WDFY2: variants seen among roughly 807,000 people sequenced by gnomAD.
WDFY2 encodes WD repeat and FYVE domain-containing protein 2.
A neutral mutation model predicts 56.4 loss-of-function variants in WDFY2; 36 were observed. The ratio of observed to expected loss-of-function variants is 0.64; its 90% CI spans 0.49 to 0.84. WDFY2 has a LOEUF of 0.84. Ranked by LOEUF, WDFY2 falls within the 40% of genes least tolerant of loss-of-function variation. The pLI, the probability that WDFY2 is intolerant of heterozygous loss-of-function variation, is 0.00. For missense variants in WDFY2, 444 were observed against 512.2 expected, an observed-to-expected ratio of 0.87 and a Z score of 1.29; for synonymous variants, 176 against 183.7, an observed-to-expected ratio of 0.96 and a Z score of 0.34.
At chr13:51,682,576 C>G (rs1184954134) in intron 3 of WDFY2, among the ~76,000 whole-genome samples, 4 of 152,144 alleles carry the variant, frequency 2.6e-5, no homozygotes, top group Admixed American at 2.0e-4. Context: ...GCCTCTACCC[C>G]CCTCAAGTTG....
intron 1 of WDFY2, among the ~76,000 whole-genome samples, chr13:51,605,217 A>G (rs769736641): frequency 6.6e-6 from 1 of 152,206 alleles, no homozygotes; most frequent in Non-Finnish European, 1.5e-5. Context: ...ATCATTGTCC[A>G]CATATGGACA....
At chr13:51,740,952 C>T (rs1251106777) in intron 7 of WDFY2, among the ~76,000 whole-genome samples, 1 of 152,218 alleles carries the variant, frequency 6.6e-6, no homozygotes, top group Non-Finnish European at 1.5e-5. Flanking sequence ...TGCTGAACTG[C>T]AGCAGTGCTT....
chr13:51,642,721 G>A (rs1301912237), intron 1 of WDFY2, among the ~76,000 whole-genome samples: 5 of 116,778 alleles, frequency 4.3e-5, no homozygotes, highest in African/African-American at 1.3e-4. Context: ...TCACTCTGTC[G>A]CCAGGCTGAA....
Position 51,584,843 on chromosome 13 carries a change from C to T in WDFY2, c.137+19C>T, listed in dbSNP as rs1355940948. 36 of 1,612,110 alleles carry T rather than the reference C, an allele frequency of 2.2e-5. No homozygotes were observed. The highest frequency in any genetic ancestry group is 2.9e-5 in the Non-Finnish European group (34 of 1,178,944). On this transcript the variant is annotated intron_variant, in intron 1 of 11. Transcript: ENST00000298125. ...AGGACAGGTATGGACTACTGCCATT[C>T]GGCCGCGAGGAGGGGCGGGACGGGC... is the stretch of plus-strand genomic sequence containing the variant.
At chr13:51,698,110 G>GCAAC (rs1951913713) in intron 3 of WDFY2, among the ~76,000 whole-genome samples, 4 of 152,188 alleles carry the variant, frequency 2.6e-5, no homozygotes, top group Non-Finnish European at 5.9e-5. Flanking sequence ...ACAAGTATGT[G>GCAAC]TTTTAGCTCG....
At chr13:51,615,744 C>A (rs957283458) in intron 1 of WDFY2, among the ~76,000 whole-genome samples, 6 of 152,086 alleles carry the variant, frequency 3.9e-5, no homozygotes, top group African/African-American at 1.4e-4. Context: ...TATGTATACT[C>A]TTTTTGTGAC....
chr13:51,758,259 A>C lies in WDFY2; in HGVS notation c.1132A>C (p.Arg378=). Reference sequence around the variant, plus strand: ...TGTGCATGTGCATTTCGATGCAACCAGAGGATGGTTACTGACTTCTGGAAC... The same window carrying C: ...TGTGCATGTGCATTTCGATGCAACCCGAGGATGGTTACTGACTTCTGGAAC... ...NIVHVHFDAT[R]GWLLTSGTDK... Residue 378 remains arginine (R), a synonymous_variant, in exon 11 of 12, where the codon AGA becomes CGA. Transcript: ENST00000298125. 1 of 1,602,740 alleles carries C rather than the reference A, an allele frequency of 6.2e-7. No homozygotes were observed. The highest frequency in any genetic ancestry group is 8.5e-7 in the Non-Finnish European group (1 of 1,171,108).
At chr13:51,653,833 A>T (rs1472000348) in intron 1 of WDFY2, among the ~76,000 whole-genome samples, 1 of 152,172 alleles carries the variant, frequency 6.6e-6, no homozygotes, top group Non-Finnish European at 1.5e-5. Context: ...GGTGCCTCCC[A>T]GTTAGGCTAC....
At chr13:51,668,006 C>G (rs1228521358) in intron 2 of WDFY2, among the ~76,000 whole-genome samples, 1 of 149,258 alleles carries the variant, frequency 6.7e-6, no homozygotes, top group Non-Finnish European at 1.5e-5. Context: ...GTTCTCCTGC[C>G]TCAGCCTCCC....
intron 8 of WDFY2, among the ~76,000 whole-genome samples, chr13:51,751,934 T>G (rs1186548456): frequency 6.6e-6 from 1 of 152,258 alleles, no homozygotes; most frequent in East Asian, 1.9e-4. Flanking sequence ...ACATTCTTTT[T>G]TATGAGCTTT....
intron 1 of WDFY2, among the ~76,000 whole-genome samples, chr13:51,599,760 T>G (rs1467207789): frequency 2.0e-5 from 3 of 152,204 alleles, no homozygotes; most frequent in Admixed American, 6.5e-5. Flanking sequence ...AATTTGTAAT[T>G]AATTCTGCCA....
intron 1 of WDFY2, among the ~76,000 whole-genome samples, chr13:51,630,256 A>G (rs565036634): frequency 6.6e-6 from 1 of 152,258 alleles, no homozygotes; most frequent in South Asian, 2.1e-4. Context: ...TAAATTTCTT[A>G]TTTATTCCCA....
intron 3 of WDFY2, among the ~76,000 whole-genome samples, chr13:51,679,230 G>C (rs1339441468): frequency 6.6e-6 from 1 of 152,158 alleles, no homozygotes; most frequent in Non-Finnish European, 1.5e-5. Context: ...TGTCAACACA[G>C]AAGTAAAGCA....
chr13:51,703,845 A>G (rs950351248), intron 4 of WDFY2, among the ~76,000 whole-genome samples, 195 bp downstream of exon 4: 3 of 152,186 alleles, frequency 2.0e-5, no homozygotes, highest in African/African-American at 7.2e-5. Flanking sequence ...CTGGGGTTCT[A>G]ATTAAGTGCA....
intron 10 of WDFY2, 78 bp downstream of exon 10, chr13:51,756,540 A>G: frequency 2.6e-6 from 4 of 1,512,166 alleles, no homozygotes; most frequent in Non-Finnish European, 3.5e-6. Flanking sequence ...CGCCGCAACC[A>G]TCACTCAGGT....
At chr13:51,716,542 A>C (rs1952350856) in intron 4 of WDFY2, among the ~76,000 whole-genome samples, 1 of 151,166 alleles carries the variant, frequency 6.6e-6, no homozygotes, top group African/African-American at 2.4e-5. Flanking sequence ...AATACAAAAA[A>C]ATTAGCCGGG....
intron 11 of WDFY2, among the ~76,000 whole-genome samples, chr13:51,758,764 T>C (rs781418958): frequency 1.2e-4 from 19 of 152,084 alleles, no homozygotes; most frequent in Non-Finnish European, 4.4e-5. Flanking sequence ...GTAATACATA[T>C]GAGAATTTAT....
intron 10 of WDFY2, 44 bp downstream of exon 10, chr13:51,756,506 A>G (rs777936946): frequency 6.3e-7 from 1 of 1,590,388 alleles, no homozygotes; most frequent in Admixed American, 1.8e-5. Context: ...TAAGGCGAGA[A>G]TTTAATCTGA....
intron 4 of WDFY2, among the ~76,000 whole-genome samples, chr13:51,713,902 T>C (rs1258332162): frequency 6.8e-6 from 1 of 146,162 alleles, no homozygotes; most frequent in Non-Finnish European, 1.5e-5. Context: ...ATATATGAGA[T>C]ACTTATGGTA....
Sources: gnomAD v4.1 joint callset for allele counts (sites outside exome capture counted in the v4.1 genomes callset) on GRCh38, gnomAD v4.1.1 for gene constraint, MANE v1.5 for transcripts, NCBI Gene and HGNC (gene_info 2026-07-23, HGNC 2026-07-21) for gene names.